CELSR1: variants seen among roughly 807,000 people sequenced by gnomAD.
The protein encoded by CELSR1 is cadherin EGF LAG seven-pass G-type receptor 1.
CELSR1 carries 110 observed loss-of-function variants against 249.1 expected under a neutral mutation model. That is an observed-to-expected ratio of 0.44 (90% confidence interval 0.38 to 0.52). The LOEUF (loss-of-function observed/expected upper bound fraction) is 0.52. Ranked by LOEUF, CELSR1 falls within the 20% of genes least tolerant of loss-of-function variation. The pLI, the probability that CELSR1 is intolerant of heterozygous loss-of-function variation, is 0.00. For synonymous variants in CELSR1, 2,113 were observed against 1,900.0 expected (o/e 1.11, Z -2.92); for missense variants, 4,109 against 4,296.4 (o/e 0.96, Z 1.22).
Position 46,437,532 on chromosome 22 carries a change from G to C in CELSR1, c.4407-1243C>G, listed in dbSNP as rs2079677648. On this transcript the variant is annotated intron_variant, in intron 3 of 34. Coordinates refer to ENST00000674500, the MANE Select transcript of CELSR1 (RefSeq NM_001378328.1). The surrounding 1 kb of genome is among the most constrained non-coding windows in gnomAD (Gnocchi z 4.9). ...GCACTTTGGGAGGCCGAGGTGGGTG[G>C]ATCACCTGAGGTCAGGTTGACCAGC... 1.3e-5 allele frequency among the ~76,000 whole-genome samples: 2 copies of C among 152,142 alleles called. No individual in the cohort carries two copies. The highest frequency in any genetic ancestry group is 4.8e-5 in the African/African-American group (2 of 41,436).
Position 46,402,769 on chromosome 22 carries a change from A to C in CELSR1, c.5227-2867T>G, listed in dbSNP as rs1005411921. 6.6e-6 allele frequency among the ~76,000 whole-genome samples: 1 copy of C among 152,216 alleles called. No homozygotes were observed. Among genetic ancestry groups the C allele is most frequent in the African/African-American group, 2.4e-5 (1 of 41,454 alleles). ...TGTAGGTGTTACAGAGATAAGGGTC[A>C]AACGGCCATGTTTAAGTACATGTAA... On this transcript the variant is annotated intron_variant, in intron 9 of 34. Transcript: ENST00000674500. The surrounding 1 kb of genome is among the most constrained non-coding windows in gnomAD (Gnocchi z 5.0).
At position 46,536,925 on chromosome 22, in the gene CELSR1, C is replaced by A. The variant is rs1476045941; in HGVS notation, c.246G>T (p.Ala82=). 3.4e-6 allele frequency: 4 copies of A among 1,173,156 alleles called. No individual in the cohort carries two copies. The highest frequency in any genetic ancestry group is 3.5e-4 in the Middle Eastern group (1 of 2,854). 72.7% of individuals were successfully genotyped at this position (1,173,156 alleles called of 1,614,324 possible). The change falls in exon 1 of 35, where the codon GCG becomes GCT. Residue 82 remains alanine, a synonymous_variant. Coordinates refer to ENST00000674500, the MANE Select transcript of CELSR1 (RefSeq NM_001378328.1). ...GGACTTGCAGCGGCAGCGGGCGCCC[C>A]GCGCCCGAGACGCGCCGACGTCCTG... ...RLAGRRRVSG[A]GRPLPLQVRL...
At position 46,427,364 on chromosome 22, in the gene CELSR1, C is replaced by T. The variant is rs556806153; in HGVS notation, c.4611+6029G>A. 6.6e-6 allele frequency among the ~76,000 whole-genome samples: 1 copy of T among 152,272 alleles called. No homozygotes were observed. Among genetic ancestry groups the T allele is most frequent in the African/African-American group, 2.4e-5 (1 of 41,540 alleles). The stretch of plus-strand genomic sequence containing the variant: ...CAACCTGGCCAACATGGTGAAACTC[C>T]AATCTCTACTAAAAGTACAAAAATT... On this transcript the variant is annotated intron_variant, in intron 5 of 34. Coordinates refer to ENST00000674500, the MANE Select transcript of CELSR1 (RefSeq NM_001378328.1). This position sits in a 1 kb window ranked among gnomAD's most constrained non-coding sequence, Gnocchi z 4.2.
rs1055074311 is a variant in CELSR1 at position 46,517,532 on chromosome 22, T to C, written c.3544+16095A>G. Among the ~76,000 whole-genome samples the C allele has an allele frequency of 6.6e-6, 1 of 152,188 alleles. No individual in the cohort carries two copies. The highest frequency in any genetic ancestry group is 2.4e-5 in the African/African-American group (1 of 41,454). ...CGGCGCCCCAGGCCGGCTCTTGTCT[T>C]GGTACCTCTGTCCACAGTAAGGTGC... On this transcript the variant is annotated intron_variant, in intron 1 of 34. Transcript: ENST00000674500. The surrounding 1 kb of genome is among the most constrained non-coding windows in gnomAD (Gnocchi z 5.4).
At chr22:46,529,470 A>G (rs2080770737) in intron 1 of CELSR1, among the ~76,000 whole-genome samples, 1 of 152,012 alleles carries the variant, frequency 6.6e-6, no homozygotes, top group African/African-American at 2.4e-5. Context: ...GGGTAGCAGG[A>G]GGAAGGTGGA....
At chr22:46,386,619 G>A in intron 18 of CELSR1, 34 bp from the exon 19 acceptor site, 1 of 1,516,224 alleles carries the variant, frequency 6.6e-7, no homozygotes, top group Non-Finnish European at 8.8e-7. Flanking sequence ...TACTCAGCCT[G>A]CGGAGGCCTG....
chr22:46,409,667 A>C lies in CELSR1; in HGVS notation c.5059+88T>G. On this transcript the variant is annotated intron_variant, in intron 8 of 34. Coordinates refer to ENST00000674500, the MANE Select transcript of CELSR1 (RefSeq NM_001378328.1). This position sits in a 1 kb window ranked among gnomAD's most constrained non-coding sequence, Gnocchi z 9.8. ...CAGAGGCTGCCGGACCTGGATGTGA[A>C]GCCCCCTCACGGTGGTCCCGGGCAC... The C allele has an allele frequency of 2.0e-6, 3 of 1,514,810 alleles. No individual in the cohort carries two copies. Among genetic ancestry groups the C allele is most frequent in the Non-Finnish European group, 1.8e-6 (2 of 1,106,686 alleles). 93.8% of individuals were successfully genotyped at this position (1,514,810 alleles called of 1,614,324 possible). A position where few individuals can be genotyped will look rare whatever the true frequency, so the allele number is the denominator to read the frequency against.
rs766087241 is a variant in CELSR1 at position 46,391,843 on chromosome 22, G to A, written c.5965-27C>T. 11 of 1,596,388 alleles carry A rather than the reference G, an allele frequency of 6.9e-6. No individual in the cohort carries two copies. Among genetic ancestry groups the A allele is most frequent in the Middle Eastern group, 1.7e-4 (1 of 5,994 alleles). On this transcript the variant is annotated intron_variant, in intron 14 of 34. Coordinates refer to ENST00000674500, the MANE Select transcript of CELSR1 (RefSeq NM_001378328.1). The surrounding 1 kb of genome is among the most constrained non-coding windows in gnomAD (Gnocchi z 4.3). ...TGCAAAAGCCAGAGGCAGGGCCTGT[G>A]ACTTCAGATGCCCGGGAGAGGCCCT...
In CELSR1 at chr22:46,448,545, T is replaced by C. The variant is rs2079846928; in HGVS notation, c.4184-9134A>G. On this transcript the variant is annotated intron_variant, in intron 2 of 34. Coordinates refer to ENST00000674500, the MANE Select transcript of CELSR1 (RefSeq NM_001378328.1). This position sits in a 1 kb window ranked among gnomAD's most constrained non-coding sequence, Gnocchi z 5.7. ...AGTTCTTAAATAAATAAAAAGACAA[T>C]TCCTTTCTGGTCCTAAGAAACAGCT... is the stretch of plus-strand genomic sequence containing the variant. 2 of 439,654 alleles carry C rather than the reference T, an allele frequency of 4.5e-6. No homozygotes were observed. Among genetic ancestry groups the C allele is most frequent in the Admixed American group, 5.1e-5 (2 of 39,278 alleles). The allele number at this position is 439,654 out of a possible 1,614,324, so 27.2% of individuals were successfully genotyped here. A position where few individuals can be genotyped will look rare whatever the true frequency, so the allele number is the denominator to read the frequency against.
rs2079673198 is a variant in CELSR1, at chr22:46,437,217, GC to G, written c.4407-929del. Among the ~76,000 whole-genome samples, 2 of 152,090 alleles carry G rather than the reference GC, an allele frequency of 1.3e-5. No homozygotes were observed. Among genetic ancestry groups the G allele is most frequent in the Admixed American group, 1.3e-4 (2 of 15,264 alleles). On this transcript the variant is annotated intron_variant, in intron 3 of 34. Coordinates refer to ENST00000674500, the MANE Select transcript of CELSR1 (RefSeq NM_001378328.1). This position sits in a 1 kb window ranked among gnomAD's most constrained non-coding sequence, Gnocchi z 4.9. ...TCAGAAATCCTTCTCCCACCCAGGGGCCCCGGGCAGGGGGTCTTCAGACCCA... is the reference window on the plus strand; with the variant it reads ...TCAGAAATCCTTCTCCCACCCAGGGGCCCGGGCAGGGGGTCTTCAGACCCA...
rs888476429 is a variant in CELSR1, at chr22:46,466,001, C to T, written c.3545-1656G>A. On this transcript the variant is annotated intron_variant, in intron 1 of 34. Transcript: ENST00000674500. ...CATGAAATTAATATTTGTACAACCTCGGTGTGGGGAGGGCGCCTCTGGCTC... is the reference window on the plus strand; with the variant it reads ...CATGAAATTAATATTTGTACAACCTTGGTGTGGGGAGGGCGCCTCTGGCTC... 3.3e-5 allele frequency among the ~76,000 whole-genome samples: 5 copies of T among 152,272 alleles called. No individual in the cohort carries two copies. The East Asian group carries it at 9.7e-4, about 30-fold the overall frequency.
At position 46,450,531 on chromosome 22, in the gene CELSR1, G is replaced by A. The variant is rs749139742; in HGVS notation, c.4184-11120C>T. ...CACCTGGCTGGTCAGATGAGTACAC[G>A]AAGGTTCAGAGAGGGCAGTTACTTG... is the stretch of plus-strand genomic sequence containing the variant. On this transcript the variant is annotated intron_variant, in intron 2 of 34. Coordinates refer to ENST00000674500, the MANE Select transcript of CELSR1 (RefSeq NM_001378328.1). 8.1e-4 allele frequency among the ~76,000 whole-genome samples: 123 copies of A among 152,370 alleles called. 2 individuals carry two copies. Among genetic ancestry groups the A allele is most frequent in the Non-Finnish European group, 3.1e-4 (21 of 68,032 alleles).
At chr22:46,487,971 G>A (rs2080332162) in intron 1 of CELSR1, among the ~76,000 whole-genome samples, 1 of 134,268 alleles carries the variant, frequency 7.4e-6, no homozygotes, top group African/African-American at 2.8e-5. Flanking sequence ...TGGGAGGGGT[G>A]TCCAGCTGAT....
rs1470382772 is a variant in CELSR1 at position 46,398,939 on chromosome 22, C to T, written c.5413-302G>A. 6.6e-6 allele frequency among the ~76,000 whole-genome samples: 1 copy of T among 152,210 alleles called. No homozygotes were observed. Among genetic ancestry groups the T allele is most frequent in the Non-Finnish European group, 1.5e-5 (1 of 68,034 alleles). On this transcript the variant is annotated intron_variant, in intron 10 of 34. Transcript: ENST00000674500. The surrounding 1 kb of genome is among the most constrained non-coding windows in gnomAD (Gnocchi z 7.2). ...CGTCAAGGGCACAACACTAAACCAG[C>T]CACGCTGTGACAGAGAGCTTGGCGA...
intron 18 of CELSR1, among the ~76,000 whole-genome samples, chr22:46,388,149 G>C (rs1337931203): frequency 6.6e-6 from 1 of 152,148 alleles, no homozygotes; most frequent in East Asian, 1.9e-4. Flanking sequence ...AGGAGTTCGA[G>C]ACCAGCCTGG....
Position 46,398,547 on chromosome 22 carries a change from G to A in CELSR1, c.5503C>T (p.Arg1835Cys), listed in dbSNP as rs748100967. The change falls in exon 11 of 35, where the codon CGT becomes TGT. Residue 1835 changes from arginine to cysteine, a missense_variant. This residue lies in a region of CELSR1 where 1,805 missense variants were observed against 1,831.6 expected (regional missense o/e 0.99). Transcript: ENST00000674500. This position sits in a 1 kb window ranked among gnomAD's most constrained non-coding sequence, Gnocchi z 7.2. ...ACCTGCATGCAGCCTCGGAATCCAC[G>A]GCGCACGGAGACCTTGTCTTCAGAG... ...GASEDKVSVR[R>C]GFRGCMQGVR... 6.9e-6 allele frequency: 11 copies of A among 1,605,390 alleles called. No homozygotes were observed. The highest frequency in any genetic ancestry group is 2.2e-5 in the East Asian group (1 of 44,598).
Position 46,535,269 on chromosome 22 carries a change from G to C in CELSR1, c.1902C>G (p.Asn634Lys), listed in dbSNP as rs1191265727. Residue 634 changes from asparagine to lysine, a missense_variant, in exon 1 of 35, where the codon AAC becomes AAG. Physicochemically the swap from Asn to Lys is moderately conservative, Grantham distance 94 (BLOSUM62 0). Around this residue, in one of 7 missense-constraint regions of CELSR1, gnomAD observed 886 missense variants for 896.5 expected, o/e 0.99. Coordinates refer to ENST00000674500, the MANE Select transcript of CELSR1 (RefSeq NM_001378328.1). Reference sequence around the variant, plus strand: ...CACACACTGTGATCCAACCGGAGCTGTTGTGGATCTGGAAGGGGAAGTCAG... The same window carrying C: ...CACACACTGTGATCCAACCGGAGCTCTTGTGGATCTGGAAGGGGAAGTCAG... Reference protein sequence around the residue: ...PTPDFPFQIHNSSGWITVCAE... With the variant: ...PTPDFPFQIHKSSGWITVCAE... The C allele has an allele frequency of 6.2e-7, 1 of 1,610,606 alleles. No individual in the cohort carries two copies. The highest frequency in any genetic ancestry group is 1.7e-5 in the Admixed American group (1 of 60,022).
rs1350845432 is a variant in CELSR1 at position 46,390,748 on chromosome 22, T to C, written c.6251-262A>G. The stretch of plus-strand genomic sequence containing the variant: ...CCGAGCAAGTCCGTGAGGAAAGAAA[T>C]CAGCAACACCATCTGCCGGCAGCCA... On this transcript the variant is annotated intron_variant, in intron 16 of 34. Coordinates refer to ENST00000674500, the MANE Select transcript of CELSR1 (RefSeq NM_001378328.1). The surrounding 1 kb of genome is among the most constrained non-coding windows in gnomAD (Gnocchi z 6.3). Among the ~76,000 whole-genome samples the C allele has an allele frequency of 3.9e-5, 6 of 152,102 alleles. No individual in the cohort carries two copies. Among genetic ancestry groups the C allele is most frequent in the Non-Finnish European group, 8.8e-5 (6 of 68,020 alleles).
At chr22:46,467,580 T>A (rs992036107) in intron 1 of CELSR1, among the ~76,000 whole-genome samples, 1 of 151,928 alleles carries the variant, frequency 6.6e-6, no homozygotes, top group African/African-American at 2.4e-5. Context: ...CCCAGCACTT[T>A]GGGAGGCTGA....
Sources: allele counts gnomAD v4.1 joint callset (sites outside exome capture counted in the v4.1 genomes callset), GRCh38; gene constraint gnomAD v4.1.1; regional missense constraint gnomAD v4.1.1; non-coding constraint Gnocchi (gnomAD v3.1); transcripts MANE v1.5; gene names NCBI Gene and HGNC (gene_info 2026-07-23, HGNC 2026-07-21).